The following CEP70 variants were observed in gnomAD, a reference collection of about 807,000 sequenced individuals.
CEP70 encodes centrosomal protein 70, also known as centrosomal protein of 70 kDa.
CEP70 carries 70 observed loss-of-function variants against 90.9 expected under a neutral mutation model. The ratio of observed to expected loss-of-function variants is 0.77; its 90% CI spans 0.64 to 0.94. The LOEUF (loss-of-function observed/expected upper bound fraction) is 0.94, where lower values mean the gene tolerates loss of function less well. Ranked by LOEUF, CEP70 falls within the 40% of genes least tolerant of loss-of-function variation. The pLI is 0.00. For missense variants in CEP70, 648 were observed against 669.0 expected, an observed-to-expected ratio of 0.97 and a Z score of 0.35; for synonymous variants, 220 against 228.3, an observed-to-expected ratio of 0.96 and a Z score of 0.33.
chr3:138,499,452 C>G (rs1303730898), intron 16 of CEP70, among the ~76,000 whole-genome samples: 1 of 152,104 alleles, frequency 6.6e-6, no homozygotes, highest in East Asian at 1.9e-4. Context: ...TTGATATAAT[C>G]AGAACTTACA....
intron 6 of CEP70, among the ~76,000 whole-genome samples, chr3:138,569,961 C>T (rs1047333245): frequency 2.6e-5 from 4 of 152,060 alleles, no homozygotes; most frequent in South Asian, 4.2e-4. Flanking sequence ...GTCTGGAATT[C>T]GGGGAGAGGA....
At chr3:138,566,371 C>T (rs2040789820) in intron 6 of CEP70, among the ~76,000 whole-genome samples, 1 of 152,158 alleles carries the variant, frequency 6.6e-6, no homozygotes. Context: ...TATAAAGACA[C>T]ATGCACACGT....
At chr3:138,591,758 A>G in intron 2 of CEP70, 96 bp downstream of exon 2, 1 of 1,012,118 alleles carries the variant, frequency 9.9e-7, no homozygotes, top group Non-Finnish European at 1.5e-6. Flanking sequence ...AGTCAAAAGG[A>G]AATATATGTA....
chr3:138,571,502 AAC>A, intron 3 of CEP70, 146 bp from the exon 4 acceptor site: 1 of 612,094 alleles, frequency 1.6e-6, no homozygotes, highest in Non-Finnish European at 2.9e-6. Flanking sequence ...ATATCCAAAA[AAC>A]ACATTTATTG....
At chr3:138,500,077 G>T in intron 16 of CEP70, 33 bp downstream of exon 16, 1 of 1,433,302 alleles carries the variant, frequency 7.0e-7, no homozygotes, top group Non-Finnish European at 9.8e-7. Flanking sequence ...CAGCCATTCT[G>T]GATGATACTT....
At position 138,525,518 on chromosome 3, in the gene CEP70, G is replaced by C; in HGVS notation, c.916C>G (p.Leu306Val). 7 of 1,420,658 alleles carry C rather than the reference G, an allele frequency of 4.9e-6. No homozygotes were observed. Among genetic ancestry groups the C allele is most frequent in the Non-Finnish European group, 6.5e-6 (7 of 1,079,632 alleles). 88.0% of individuals were successfully genotyped at this position (1,420,658 alleles called of 1,614,324 possible). ...LRLYKQQVKKLEKALKKNVKL... is the reference protein window; with the variant it reads ...LRLYKQQVKKVEKALKKNVKL... ...ACGTTTTTCTTAAGGGCTTTTTCCA[G>C]CTTCTTCACCTGCTGTTTATAAAGT... The change falls in exon 11 of 18, where the codon CTG becomes GTG. Residue 306 changes from leucine (L) to valine (V), a missense_variant. Coordinates refer to ENST00000264982, the MANE Select transcript of CEP70 (RefSeq NM_024491.4).
intron 2 of CEP70, among the ~76,000 whole-genome samples, chr3:138,584,663 A>G (rs1343713882): frequency 6.6e-6 from 1 of 152,134 alleles, no homozygotes; most frequent in East Asian, 1.9e-4. Context: ...AATGTGATAC[A>G]TCATTATCAA....
chr3:138,544,043 C>T (rs182599645), intron 6 of CEP70, among the ~76,000 whole-genome samples: 427 of 152,242 alleles, frequency 2.8e-3, no homozygotes, highest in African/African-American at 9.9e-3. Flanking sequence ...AATCTCCACA[C>T]TTTCGGAGGC....
At chr3:138,511,165 C>G (rs904685207) in intron 11 of CEP70, among the ~76,000 whole-genome samples, 1 of 152,084 alleles carries the variant, frequency 6.6e-6, no homozygotes, top group Admixed American at 6.5e-5. Context: ...GCCACCGTGC[C>G]CCCCCAGTCC....
rs560987316 is a variant in CEP70 at position 138,570,444 on chromosome 3, A to G, written c.339T>C (p.Asn113=). The G allele has an allele frequency of 2.5e-6, 4 of 1,610,128 alleles. No individual in the cohort carries two copies. In the East Asian group the frequency reaches 9.0e-5, roughly 36 times the overall value. ...SRAANQEQRA[N]DLEQIMESVK... ...CACTTTCCATAATTTGTTCCAAGTC[A>G]TTAGCTCGTTGTTCTTGATTGGCTG... Residue 113 remains asparagine (N), a synonymous_variant, in exon 6 of 18, where the codon AAT becomes AAC. Transcript: ENST00000264982.
At position 138,532,588 on chromosome 3, in the gene CEP70, G is replaced by T; in HGVS notation, c.636-18C>A. On this transcript the variant is annotated intron_variant, in intron 7 of 17. Transcript: ENST00000264982. Reference sequence around the variant, plus strand: ...AAAGCAACCTAGAAAACAGAATATTGAATTATTTTCAAAATGCGGTATGGT... The same window carrying T: ...AAAGCAACCTAGAAAACAGAATATTTAATTATTTTCAAAATGCGGTATGGT... 3.4e-6 allele frequency: 5 copies of T among 1,463,436 alleles called. No individual in the cohort carries two copies. The highest frequency in any genetic ancestry group is 3.6e-6 in the Non-Finnish European group (4 of 1,102,916). The allele number at this position is 1,463,436 out of a possible 1,614,324, so 90.7% of individuals were successfully genotyped here.
chr3:138,590,838 G>T (rs1424190472), intron 2 of CEP70, among the ~76,000 whole-genome samples: 1 of 151,644 alleles, frequency 6.6e-6, no homozygotes, highest in East Asian at 1.9e-4. Context: ...AAAAAACAGG[G>T]AAGTGATTAC....
At chr3:138,581,316 T>C (rs1463900724) in intron 2 of CEP70, among the ~76,000 whole-genome samples, 1 of 149,858 alleles carries the variant, frequency 6.7e-6, no homozygotes, top group Non-Finnish European at 1.5e-5. Flanking sequence ...GAAAAAAGAA[T>C]GAATCATGCC....
chr3:138,518,017 A>G (rs13094347), intron 11 of CEP70, among the ~76,000 whole-genome samples: 82,803 of 152,130 alleles, frequency 0.54, 24,126 homozygotes, highest in African/African-American at 0.76. Context: ...CTTAGCAAAC[A>G]GCACACCAGG....
At chr3:138,551,826 C>G (rs1402936585) in intron 6 of CEP70, among the ~76,000 whole-genome samples, 1 of 151,380 alleles carries the variant, frequency 6.6e-6, no homozygotes, top group Non-Finnish European at 1.5e-5. Flanking sequence ...TACCTCACAT[C>G]TTGATACTGA....
At chr3:138,575,854 C>T (rs1170815740) in intron 2 of CEP70, among the ~76,000 whole-genome samples, 1 of 152,128 alleles carries the variant, frequency 6.6e-6, no homozygotes, top group Admixed American at 6.5e-5. Context: ...CCAAACTAAG[C>T]TTCATAAATG....
intron 6 of CEP70, among the ~76,000 whole-genome samples, chr3:138,539,554 G>T (rs138113093): frequency 6.6e-6 from 1 of 152,032 alleles, no homozygotes; most frequent in African/African-American, 2.4e-5. Flanking sequence ...TGCATTAGAG[G>T]CTTTTAATAG....
chr3:138,570,266 T>C (rs549122162), intron 6 of CEP70, 52 bp downstream of exon 6: 1 of 1,210,278 alleles, frequency 8.3e-7, no homozygotes, highest in Non-Finnish European at 1.1e-6. Flanking sequence ...GGGACCATAA[T>C]GAGCTGTTTT....
chr3:138,565,611 G>A (rs1024951656), intron 6 of CEP70, among the ~76,000 whole-genome samples: 1 of 152,164 alleles, frequency 6.6e-6, no homozygotes, highest in East Asian at 1.9e-4. Flanking sequence ...TTTAATAAAT[G>A]GTGCTGGGAA....
Sources: gnomAD v4.1 joint callset for allele counts (sites outside exome capture counted in the v4.1 genomes callset) on GRCh38, gnomAD v4.1.1 for gene constraint, MANE v1.5 for transcripts, NCBI Gene and HGNC (gene_info 2026-07-23, HGNC 2026-07-21) for gene names.